Variants in DPP10 observed in about 807,000 individuals in gnomAD.
The protein encoded by DPP10 is dipeptidyl peptidase like 10, also known as inactive dipeptidyl peptidase 10.
In DPP10, 33 loss-of-function variants were observed where a neutral mutation model predicts 120.9. The ratio of observed to expected loss-of-function variants is 0.27; its 90% CI spans 0.21 to 0.37. The LOEUF (loss-of-function observed/expected upper bound fraction) is 0.37, where lower values mean the gene tolerates loss of function less well. Ranked by LOEUF, DPP10 falls within the 10% of genes least tolerant of loss-of-function variation. DPP10 has a pLI of 1.00. For missense variants in DPP10, 816 were observed against 942.8 expected, an observed-to-expected ratio of 0.87 and a Z score of 1.76; for synonymous variants, 337 against 326.1, an observed-to-expected ratio of 1.03 and a Z score of -0.36.
At chr2:115,273,500 C>G (rs2059786172) in intron 1 of DPP10, among the ~76,000 whole-genome samples, 1 of 152,064 alleles carries the variant, frequency 6.6e-6, no homozygotes, top group Admixed American at 6.6e-5. Context: ...CCATGCCTGG[C>G]TAATTTTTTG....
chr2:114,972,109 T>A (rs1699438092), intron 1 of DPP10, among the ~76,000 whole-genome samples: 1 of 152,246 alleles, frequency 6.6e-6, no homozygotes, highest in South Asian at 2.1e-4. Context: ...ACAACTATTC[T>A]AGTTGCCAAT....
intron 1 of DPP10, among the ~76,000 whole-genome samples, chr2:114,609,110 A>C (rs1326738022): frequency 6.6e-6 from 1 of 152,196 alleles, no homozygotes; most frequent in Non-Finnish European, 1.5e-5. Flanking sequence ...ATGAACCGTC[A>C]CTTTCATCGA....
chr2:115,577,645 T>G (rs2081758128), intron 5 of DPP10, among the ~76,000 whole-genome samples: 1 of 152,166 alleles, frequency 6.6e-6, no homozygotes, highest in African/African-American at 2.4e-5. Flanking sequence ...AGCTGGAAGT[T>G]TAAGGTCAAG....
chr2:114,667,172 T>C lies in DPP10; in HGVS notation c.60+224334T>C, dbSNP rs149218097. On this transcript the variant is annotated intron_variant, in intron 1 of 25. Transcript: ENST00000410059. Reference sequence around the variant, plus strand: ...AATTGGACTACCCATGCTTCATGCTTTTAATTAATGTTCATCGATTAAACA... The same window carrying C: ...AATTGGACTACCCATGCTTCATGCTCTTAATTAATGTTCATCGATTAAACA... Among the ~76,000 whole-genome samples the C allele has an allele frequency of 7.4e-4, 113 of 152,338 alleles. 1 individual carries two copies. Among genetic ancestry groups the C allele is most frequent in the African/African-American group, 2.6e-3 (109 of 41,584 alleles).
intron 1 of DPP10, among the ~76,000 whole-genome samples, chr2:114,885,212 T>C (rs1691962383): frequency 6.6e-6 from 1 of 152,000 alleles, no homozygotes; most frequent in African/African-American, 2.4e-5. Context: ...AATCTTACAA[T>C]CACGGCAGAA....
intron 5 of DPP10, among the ~76,000 whole-genome samples, chr2:115,543,448 A>C (rs1204824107): frequency 6.6e-6 from 1 of 152,054 alleles, no homozygotes; most frequent in African/African-American, 2.4e-5. Context: ...ATTTTCACAA[A>C]CATGCCAATA....
chr2:115,748,785 T>C (rs1337585713), intron 10 of DPP10, among the ~76,000 whole-genome samples: 2 of 152,162 alleles, frequency 1.3e-5, no homozygotes, highest in East Asian at 3.9e-4. Flanking sequence ...ATTTATATGA[T>C]TTAGAAAGAA....
At chr2:115,714,178 CT>C (rs1321770991) in intron 7 of DPP10, among the ~76,000 whole-genome samples, 11 of 152,298 alleles carry the variant, frequency 7.2e-5, no homozygotes, top group African/African-American at 2.6e-4. Flanking sequence ...TGTTTGTTTA[CT>C]GTATTAATAC....
chr2:115,481,674 G>A (rs1274378119), intron 3 of DPP10, among the ~76,000 whole-genome samples: 1 of 151,914 alleles, frequency 6.6e-6, no homozygotes, highest in Non-Finnish European at 1.5e-5. Context: ...TAGAAACAGT[G>A]TATAAAATTT....
In DPP10 at chr2:115,138,439, T is replaced by G. The variant is rs576807316; in HGVS notation, c.61-170800T>G. On this transcript the variant is annotated intron_variant, in intron 1 of 25. Coordinates refer to ENST00000410059, the MANE Select transcript of DPP10 (RefSeq NM_020868.6). ...TTTGAAAATAAAATTAGGGCTGATT[T>G]GCATTTGTGTTGAAACAGTTGCACA... 2.6e-5 allele frequency among the ~76,000 whole-genome samples: 4 copies of G among 152,340 alleles called. No individual in the cohort carries two copies. The South Asian group carries it at 8.3e-4, about 32-fold the overall frequency.
intron 1 of DPP10, among the ~76,000 whole-genome samples, chr2:115,090,131 G>A (rs962967927): frequency 4.0e-5 from 6 of 150,430 alleles, no homozygotes; most frequent in Admixed American, 6.6e-5. Flanking sequence ...TGTCACATTT[G>A]TGTTATGTTT....
chr2:115,186,705 A>G (rs112570265), intron 1 of DPP10, among the ~76,000 whole-genome samples: 1 of 152,210 alleles, frequency 6.6e-6, no homozygotes, highest in Non-Finnish European at 1.5e-5. Context: ...TATCATATAC[A>G]GTTCTAGGAG....
rs1685931390 is a variant in DPP10 at position 114,819,689 on chromosome 2, G to A, written c.60+376851G>A. Among the ~76,000 whole-genome samples the A allele has an allele frequency of 2.6e-5, 4 of 152,170 alleles. No homozygotes were observed. The South Asian group carries it at 6.2e-4, about 24-fold the overall frequency. The stretch of plus-strand genomic sequence containing the variant: ...TCAATTGCATAATTTCCTAGACCTT[G>A]CAGATTGGTTCAAATTAACCCACAG... On this transcript the variant is annotated intron_variant, in intron 1 of 25. Transcript: ENST00000410059.
intron 1 of DPP10, among the ~76,000 whole-genome samples, chr2:114,752,593 T>G (rs1468586391): frequency 6.6e-6 from 1 of 152,194 alleles, no homozygotes; most frequent in Non-Finnish European, 1.5e-5. Context: ...CTCAAGGTTC[T>G]GTTCATAGCA....
In DPP10 at chr2:114,501,121, G is replaced by A. The variant is rs548474618; in HGVS notation, c.60+58283G>A. On this transcript the variant is annotated intron_variant, in intron 1 of 25. Transcript: ENST00000410059. ...AAGGATTATATAGTAGTTAAAAAGT[G>A]CATGGTTCCCAGATATAGAAAAATC... is the stretch of plus-strand genomic sequence containing the variant. Among the ~76,000 whole-genome samples the A allele has an allele frequency of 3.3e-5, 5 of 152,294 alleles. No homozygotes were observed. In the East Asian group the frequency reaches 9.6e-4, roughly 29 times the overall value.
chr2:115,301,643 G>A (rs2061139063), intron 1 of DPP10, among the ~76,000 whole-genome samples: 2 of 151,988 alleles, frequency 1.3e-5, no homozygotes, highest in Non-Finnish European at 2.9e-5. Context: ...AGCTGTTTTA[G>A]TGAGTCGCTA....
intron 2 of DPP10, among the ~76,000 whole-genome samples, chr2:115,311,151 C>G (rs1464978682): frequency 1.3e-5 from 2 of 152,238 alleles, no homozygotes; most frequent in East Asian, 1.9e-4. Flanking sequence ...CGTGACATAC[C>G]TGAGTTTGAG....
chr2:115,347,013 A>C (rs2106278455), intron 3 of DPP10, among the ~76,000 whole-genome samples: 1 of 152,302 alleles, frequency 6.6e-6, no homozygotes, highest in South Asian at 2.1e-4. Flanking sequence ...AAGGTATGAA[A>C]GCCTTCCTCA....
intron 5 of DPP10, among the ~76,000 whole-genome samples, chr2:115,626,569 G>A (rs887853252): frequency 6.6e-6 from 1 of 151,902 alleles, no homozygotes; most frequent in Non-Finnish European, 1.5e-5. Flanking sequence ...TAGTTGTATT[G>A]GTGTGGTCAT....
Sources: gnomAD v4.1 joint callset for allele counts (sites outside exome capture counted in the v4.1 genomes callset) on GRCh38, gnomAD v4.1.1 for gene constraint, MANE v1.5 for transcripts, NCBI Gene and HGNC (gene_info 2026-07-23, HGNC 2026-07-21) for gene names.